KIF11: variants seen among roughly 807,000 people sequenced by gnomAD.
KIF11 encodes the protein kinesin family member 11.
KIF11 carries 9 observed loss-of-function variants against 121.0 expected under a neutral mutation model. The observed-to-expected ratio is 0.07, with a 90% CI of 0.04 to 0.13. The LOEUF (loss-of-function observed/expected upper bound fraction) is 0.13, where lower values mean the gene tolerates loss of function less well. Ranked by LOEUF, KIF11 falls within the 10% of genes least tolerant of loss-of-function variation. The probability of loss-of-function intolerance (pLI) is 1.00; values close to 1 mark genes in which losing one functional copy is unlikely to be tolerated. For missense variants in KIF11, 846 were observed against 1,217.5 expected, an observed-to-expected ratio of 0.69 and a Z score of 4.54; for synonymous variants, 408 against 421.0, an observed-to-expected ratio of 0.97 and a Z score of 0.38.
intron 8 of KIF11, among the ~76,000 whole-genome samples, chr10:92,614,021 TACACACACAC>T (rs71028831): frequency 0.33 from 41,593 of 127,036 alleles, 7,375 homozygotes; most frequent in East Asian, 0.65. Flanking sequence ...AGTATGTGTA[TACACACACAC>T]ACACACACAC....
Position 92,607,211 on chromosome 10 carries a change from C to T in KIF11, c.361C>T (p.Pro121Ser), listed in dbSNP as rs764931049. 1.2e-6 allele frequency: 2 copies of T among 1,606,098 alleles called. No homozygotes were observed. The part of the protein sequence containing the change: ...KTFTMEGERS[P>S]NEEYTWEEDP... The stretch of plus-strand genomic sequence containing the variant: ...TTTTACAATGGAAGGTGAAAGGTCA[C>T]CTAATGAAGAGTATACCTGGGAAGA... The change falls in exon 4 of 22, where the codon CCT (proline) becomes TCT (serine). Residue 121 changes from proline to serine, a missense_variant. Transcript: ENST00000260731.
chr10:92,610,740 T>C (rs1012432288), intron 6 of KIF11, among the ~76,000 whole-genome samples: 1 of 152,192 alleles, frequency 6.6e-6, no homozygotes, highest in Non-Finnish European at 1.5e-5. Context: ...TTCTGGCTTG[T>C]AGTTGAAAAT....
chr10:92,633,770 G>A lies in KIF11; in HGVS notation c.1850G>A (p.Ser617Asn). 6.3e-7 allele frequency: 1 copy of A among 1,590,994 alleles called. No homozygotes were observed. Among genetic ancestry groups the A allele is most frequent in the Non-Finnish European group, 8.6e-7 (1 of 1,162,680 alleles). ...ILKEQSLAAESKTVLQELINV... is the reference protein window; with the variant it reads ...ILKEQSLAAENKTVLQELINV... ...AAAGAACAATCATTAGCAGCAGAAA[G>A]TAAAACTGTACTACAGGAATTGATT... is the stretch of plus-strand genomic sequence containing the variant. The change falls in exon 14 of 22, where the codon AGT becomes AAT. Residue 617 changes from serine (S) to asparagine (N), a missense_variant. Ser to Asn is a conservative substitution (Grantham distance 46). Coordinates refer to ENST00000260731, the MANE Select transcript of KIF11 (RefSeq NM_004523.4).
Position 92,624,838 on chromosome 10 carries a change from C to T in KIF11, c.1217+3365C>T, listed in dbSNP as rs1012607823. The stretch of plus-strand genomic sequence containing the variant: ...AGGGTGGACTGCAGTGGCACAATCT[C>T]GGCTCACTGCAAACTCTGCCCCCCA... On this transcript the variant is annotated intron_variant, in intron 10 of 21. Transcript: ENST00000260731. 1.4e-4 allele frequency among the ~76,000 whole-genome samples: 21 copies of T among 150,378 alleles called. No homozygotes were observed. The East Asian group carries it at 1.6e-3, about 11-fold the overall frequency.
chr10:92,634,816 AC>A (rs1228644789), intron 14 of KIF11, among the ~76,000 whole-genome samples: 2 of 152,210 alleles, frequency 1.3e-5, no homozygotes, highest in African/African-American at 2.4e-5. Context: ...GGGGTCCTGG[AC>A]CCAACCAGAA....
chr10:92,605,610 C>T (rs573756902), intron 1 of KIF11, among the ~76,000 whole-genome samples: 125 of 151,790 alleles, frequency 8.2e-4, no homozygotes, highest in Admixed American at 3.9e-3. Flanking sequence ...CCTCAGCCTC[C>T]CGAGTAGCAG....
chr10:92,633,595 T>C, intron 13 of KIF11, 28 bp from the exon 14 acceptor site: 12 of 1,520,916 alleles, frequency 7.9e-6, no homozygotes, highest in Non-Finnish European at 1.1e-5. Context: ...TGTCAAAGTT[T>C]ACATCTTTCT....
intron 9 of KIF11, among the ~76,000 whole-genome samples, chr10:92,619,057 C>T (rs1414765838): frequency 6.6e-6 from 1 of 152,078 alleles, no homozygotes; most frequent in Admixed American, 6.6e-5. Flanking sequence ...CACTCTGTTG[C>T]CCAGGCTGGA....
intron 16 of KIF11, among the ~76,000 whole-genome samples, chr10:92,638,396 T>C (rs1383117554): frequency 6.6e-6 from 1 of 152,214 alleles, no homozygotes; most frequent in Non-Finnish European, 1.5e-5. Flanking sequence ...TGAGTGGCTC[T>C]TTTGTGTGTT....
chr10:92,593,770 A>G (rs374290520), intron 1 of KIF11, among the ~76,000 whole-genome samples: 3 of 152,192 alleles, frequency 2.0e-5, no homozygotes, highest in East Asian at 1.9e-4. Context: ...CTGAATACCT[A>G]TTTTGCAGAT....
intron 10 of KIF11, among the ~76,000 whole-genome samples, chr10:92,623,517 A>T (rs928448831): frequency 1.3e-5 from 2 of 152,260 alleles, no homozygotes; most frequent in African/African-American, 4.8e-5. Flanking sequence ...GCATTTTAGT[A>T]TAATCTTTTA....
chr10:92,612,608 A>C (rs1327049429), intron 6 of KIF11, among the ~76,000 whole-genome samples: 1 of 152,250 alleles, frequency 6.6e-6, no homozygotes, highest in Non-Finnish European at 1.5e-5. Flanking sequence ...GTGCATGTAC[A>C]CAACAGCTGA....
rs375398603 is a variant in KIF11 at position 92,614,320 on chromosome 10, C to T, written c.1032+701C>T. Among the ~76,000 whole-genome samples the T allele has an allele frequency of 4.6e-5, 7 of 152,256 alleles. No individual in the cohort carries two copies. The East Asian group carries it at 5.8e-4, about 13-fold the overall frequency. On this transcript the variant is annotated intron_variant, in intron 8 of 21. Transcript: ENST00000260731. ...CCTTGTTGGCCAGGCTGGTCTCAAA[C>T]CCCTGACCTCAGGTGAGCCGCCCGC...
chr10:92,624,862 C>T (rs575257418), intron 10 of KIF11, among the ~76,000 whole-genome samples: 1 of 151,738 alleles, frequency 6.6e-6, no homozygotes, highest in African/African-American at 2.4e-5. Flanking sequence ...CTCTGCCCCC[C>T]AGGTTCAAGC....
chr10:92,611,386 G>T (rs1844493977), intron 6 of KIF11, among the ~76,000 whole-genome samples: 1 of 151,640 alleles, frequency 6.6e-6, no homozygotes, highest in Admixed American at 6.6e-5. Context: ...CTAATTTTTT[G>T]TATTTTTAGT....
At chr10:92,652,534 T>C (rs1050523061) in intron 21 of KIF11, among the ~76,000 whole-genome samples, 7 of 152,202 alleles carry the variant, frequency 4.6e-5, no homozygotes, top group African/African-American at 1.7e-4. Flanking sequence ...CCAACTCAGA[T>C]TCTCATAAAT....
chr10:92,640,641 A>C (rs890538462), intron 17 of KIF11, among the ~76,000 whole-genome samples: 7 of 151,916 alleles, frequency 4.6e-5, no homozygotes, highest in Non-Finnish European at 7.4e-5. Context: ...CATGTTAGCC[A>C]GGATGGTCTC....
chr10:92,609,003 CCTT>C lies in KIF11; in HGVS notation c.388-16_388-14del, dbSNP rs1685427602. 3.5e-6 allele frequency: 5 copies of C among 1,439,734 alleles called. No homozygotes were observed. The highest frequency in any genetic ancestry group is 4.7e-6 in the Non-Finnish European group (5 of 1,070,482). 89.2% of individuals were successfully genotyped at this position (1,439,734 alleles called of 1,614,324 possible). On this transcript the variant is annotated splice_polypyrimidine_tract_variant and intron_variant, in intron 4 of 21. Coordinates refer to ENST00000260731, the MANE Select transcript of KIF11 (RefSeq NM_004523.4). The stretch of plus-strand genomic sequence containing the variant: ...AATGGCATTCTTCCTTTATATTAGT[CCTT>C]ATTATAATTTCAGGATCCCTTGGCT...
intron 8 of KIF11, among the ~76,000 whole-genome samples, chr10:92,615,919 A>G (rs1014157773): frequency 6.7e-6 from 1 of 148,554 alleles, no homozygotes; most frequent in African/African-American, 2.5e-5. Context: ...GACTCACTGC[A>G]GTCTTCGCCA....
Sources: gnomAD v4.1 joint callset for allele counts (sites outside exome capture counted in the v4.1 genomes callset) on GRCh38, gnomAD v4.1.1 for gene constraint, MANE v1.5 for transcripts, NCBI Gene and HGNC (gene_info 2026-07-23, HGNC 2026-07-21) for gene names.